CSMD1: variants seen among roughly 807,000 people sequenced by gnomAD.
The protein encoded by CSMD1 is CUB and Sushi multiple domains 1.
In CSMD1, 213 loss-of-function variants were observed where a neutral mutation model predicts 417.5. That is an observed-to-expected ratio of 0.51 (90% CI 0.46 to 0.57). The LOEUF is 0.57. Among genes scored for constraint, CSMD1 ranks in the 20% least tolerant of loss-of-function variants. CSMD1 has a pLI of 0.00. For synonymous variants in CSMD1, 2,862 were observed against 1,736.8 expected (o/e 1.65, Z -16.11); for missense variants, 6,923 against 4,529.7 (o/e 1.53, Z -15.17).
chr8:4,133,442 T>C (rs1042134430), intron 3 of CSMD1, among the ~76,000 whole-genome samples: 4 of 152,190 alleles, frequency 2.6e-5, no homozygotes, highest in Non-Finnish European at 5.9e-5. Context: ...ATAAATGTTA[T>C]CATTTACCTT....
chr8:3,118,564 C>T lies in CSMD1; in HGVS notation c.6265G>A (p.Asp2089Asn), dbSNP rs759218024. Residue 2089 changes from aspartate to asparagine, a missense_variant, in exon 42 of 70, where the codon GAT becomes AAT. Transcript: ENST00000635120. ...YQAYELQNCP[D>N]PPPFQNGYMI... ...TACCCATTCTGAAATGGGGGTGGAT[C>T]TGGACAGTTCTGTAATTCATAGGCT... is the stretch of plus-strand genomic sequence containing the variant. The T allele has an allele frequency of 6.2e-7, 1 of 1,613,472 alleles. No individual in the cohort carries two copies. Among genetic ancestry groups the T allele is most frequent in the South Asian group, 1.1e-5 (1 of 90,916 alleles).
chr8:4,083,220 C>T (rs1800234735), intron 3 of CSMD1, among the ~76,000 whole-genome samples: 2 of 152,286 alleles, frequency 1.3e-5, no homozygotes, highest in South Asian at 4.1e-4. Flanking sequence ...AACTAGTTTA[C>T]AGGCCCACCA....
intron 42 of CSMD1, among the ~76,000 whole-genome samples, chr8:3,111,349 C>T (rs1320332529): frequency 7.3e-6 from 1 of 136,772 alleles, no homozygotes; most frequent in Non-Finnish European, 1.6e-5. Context: ...TGGATCTTTT[C>T]ATCAGAAGAA....
At chr8:3,143,733 T>G (rs1424204572) in intron 40 of CSMD1, among the ~76,000 whole-genome samples, 1 of 152,220 alleles carries the variant, frequency 6.6e-6, no homozygotes, top group African/African-American at 2.4e-5. Context: ...GGTTCTTCTG[T>G]TTTTGATAGA....
At chr8:4,251,698 G>A (rs1014656728) in intron 3 of CSMD1, among the ~76,000 whole-genome samples, 1 of 152,114 alleles carries the variant, frequency 6.6e-6, no homozygotes, top group African/African-American at 2.4e-5. Flanking sequence ...ACCTTGGACA[G>A]TTAAATGTAT....
chr8:3,755,335 G>A (rs909415717), intron 5 of CSMD1, among the ~76,000 whole-genome samples: 1 of 152,214 alleles, frequency 6.6e-6, no homozygotes, highest in Non-Finnish European at 1.5e-5. Flanking sequence ...AGGGTCGAAA[G>A]ATGATAGAGA....
At chr8:3,110,741 G>C (rs988711927) in intron 42 of CSMD1, among the ~76,000 whole-genome samples, 8 of 152,114 alleles carry the variant, frequency 5.3e-5, no homozygotes, top group Non-Finnish European at 1.0e-4. Flanking sequence ...CTATTTATAA[G>C]CCATCTGAAA....
chr8:3,520,023 T>TAC (rs1252329598), intron 10 of CSMD1, among the ~76,000 whole-genome samples: 1 of 140,704 alleles, frequency 7.1e-6, no homozygotes, highest in Admixed American at 7.3e-5. Flanking sequence ...TATATACCTA[T>TAC]ATATATATAT....
At chr8:3,957,160 G>A (rs1262967667) in intron 5 of CSMD1, among the ~76,000 whole-genome samples, 1 of 152,002 alleles carries the variant, frequency 6.6e-6, no homozygotes, top group African/African-American at 2.4e-5. Flanking sequence ...TTCACACCCA[G>A]CTCTGCTAGA....
chr8:3,460,211 G>A lies in CSMD1; in HGVS notation c.1561+8501C>T, dbSNP rs534752524. ...GGGAAAGTAAACTCTGAGATGAGAC[G>A]GGAAGATCAGCAAATGATCTACATG... On this transcript the variant is annotated intron_variant, in intron 12 of 69. Transcript: ENST00000635120. 1.0e-3 allele frequency among the ~76,000 whole-genome samples: 155 copies of A among 152,032 alleles called. 1 individual carries two copies. The highest frequency in any genetic ancestry group is 2.9e-3 in the Admixed American group (44 of 15,268).
intron 3 of CSMD1, among the ~76,000 whole-genome samples, chr8:4,353,467 G>C (rs964048812): frequency 6.6e-6 from 1 of 151,918 alleles, no homozygotes; most frequent in East Asian, 1.9e-4. Flanking sequence ...TGTGAGAAAA[G>C]AATAATACAT....
chr8:3,408,043 C>T lies in CSMD1; in HGVS notation c.1927G>A (p.Asp643Asn), dbSNP rs376092303. Residue 643 changes from aspartate (D) to asparagine (N), a missense_variant, in exon 14 of 70, where the codon GAT (aspartate) becomes AAT (asparagine). Physicochemically the swap from Asp to Asn is conservative, Grantham distance 23 (BLOSUM62 1). Transcript: ENST00000635120. ...AGGACAGTTATGTCAGAAATGCCAT[C>T]ATCCTTGACCGCGAGAAAGTCAAAC... is the stretch of plus-strand genomic sequence containing the variant. ...PQFDFLAVKD[D>N]GISDITVLGT... 3.1e-6 allele frequency: 5 copies of T among 1,613,802 alleles called. No individual in the cohort carries two copies. The African/African-American group carries it at 6.7e-5, about 22-fold the overall frequency.
At chr8:3,476,097 C>A (rs1200266035) in intron 11 of CSMD1, among the ~76,000 whole-genome samples, 1 of 152,146 alleles carries the variant, frequency 6.6e-6, no homozygotes, top group African/African-American at 2.4e-5. Flanking sequence ...AATCCCAGCA[C>A]TTTCGGAGGC....
intron 50 of CSMD1, among the ~76,000 whole-genome samples, chr8:3,045,877 G>A (rs1160527281): frequency 1.3e-5 from 2 of 151,986 alleles, no homozygotes; most frequent in Non-Finnish European, 2.9e-5. Context: ...TAATAATTAA[G>A]TAAATTAACT....
chr8:3,781,071 G>C (rs1167077289), intron 5 of CSMD1, among the ~76,000 whole-genome samples: 2 of 152,174 alleles, frequency 1.3e-5, no homozygotes, highest in Non-Finnish European at 2.9e-5. Flanking sequence ...ATAGTTGAAA[G>C]CCTGTTATGA....
intron 26 of CSMD1, among the ~76,000 whole-genome samples, chr8:3,263,319 G>A (rs1392470850): frequency 2.6e-5 from 4 of 152,082 alleles, no homozygotes; most frequent in South Asian, 4.1e-4. Flanking sequence ...GGCTAGTCTC[G>A]AACTCCTGGC....
intron 50 of CSMD1, among the ~76,000 whole-genome samples, chr8:3,050,305 C>T (rs540927304): frequency 1.3e-5 from 2 of 152,240 alleles, no homozygotes; most frequent in East Asian, 3.9e-4. Flanking sequence ...TTCAAATCTG[C>T]AAATTAGTAG....
At chr8:4,007,094 T>TC (rs1361438773) in intron 4 of CSMD1, among the ~76,000 whole-genome samples, 3 of 152,074 alleles carry the variant, frequency 2.0e-5, no homozygotes, top group Admixed American at 6.6e-5. Context: ...CACCTCGGCC[T>TC]CCCAAAGTTT....
intron 25 of CSMD1, among the ~76,000 whole-genome samples, chr8:3,299,821 ATTG>A (rs1446270213): frequency 1.3e-5 from 2 of 152,192 alleles, no homozygotes; most frequent in African/African-American, 4.8e-5. Context: ...TTCTGGACAG[ATTG>A]TTAAGGACTG....
Sources: allele counts gnomAD v4.1 joint callset (sites outside exome capture counted in the v4.1 genomes callset), GRCh38; gene constraint gnomAD v4.1.1; transcripts MANE v1.5; gene names NCBI Gene and HGNC (gene_info 2026-07-23, HGNC 2026-07-21).